NRXN3: variants seen among roughly 807,000 people sequenced by gnomAD.
NRXN3 encodes neurexin III.
NRXN3 carries 32 observed loss-of-function variants against 137.6 expected under a neutral mutation model. The observed-to-expected ratio is 0.23, with a 90% CI of 0.18 to 0.31. NRXN3 has a LOEUF of 0.31. NRXN3 is among the 10% of genes least tolerant of loss of function. The probability of loss-of-function intolerance (pLI) is 1.00; values close to 1 mark genes in which losing one functional copy is unlikely to be tolerated. For synonymous variants in NRXN3, 798 were observed against 784.5 expected (o/e 1.02, Z -0.29); for missense variants, 1,574 against 2,062.5 (o/e 0.76, Z 4.59).
chr14:78,289,423 G>A (rs2075551393), intron 3 of NRXN3, among the ~76,000 whole-genome samples: 1 of 152,160 alleles, frequency 6.6e-6, no homozygotes, highest in Admixed American at 6.5e-5. Flanking sequence ...GTTGCTTGGT[G>A]TCTTTGGAGA....
intron 19 of NRXN3, among the ~76,000 whole-genome samples, chr14:79,710,319 G>T (rs1178186226): frequency 6.6e-6 from 1 of 151,882 alleles, no homozygotes; most frequent in Non-Finnish European, 1.5e-5. Context: ...TCCATATCCT[G>T]GTTGATTTCA....
chr14:78,318,702 G>A (rs1022970475), intron 4 of NRXN3, among the ~76,000 whole-genome samples: 7 of 152,034 alleles, frequency 4.6e-5, no homozygotes, highest in African/African-American at 1.2e-4. Flanking sequence ...TGCCTTAGCC[G>A]TCAGTATAAC....
chr14:78,737,617 A>C (rs12433117), intron 8 of NRXN3, among the ~76,000 whole-genome samples: 13,402 of 152,126 alleles, frequency 0.088, 664 homozygotes, highest in Admixed American at 0.11. Context: ...GGGAAATGGC[A>C]AAAAAGGGGG....
intron 15 of NRXN3, among the ~76,000 whole-genome samples, chr14:79,446,479 C>A (rs891683776): frequency 1.3e-5 from 2 of 152,114 alleles, no homozygotes; most frequent in African/African-American, 4.8e-5. Flanking sequence ...TGTATTCATT[C>A]TTTTCATTAT....
At chr14:78,604,100 A>G (rs2097225062) in intron 4 of NRXN3, among the ~76,000 whole-genome samples, 2 of 152,278 alleles carry the variant, frequency 1.3e-5, no homozygotes, top group Admixed American at 1.3e-4. Flanking sequence ...GAGCCAAGTG[A>G]AAGAGGAAAC....
chr14:79,734,532 T>C (rs1317855417), intron 19 of NRXN3, among the ~76,000 whole-genome samples: 3 of 152,226 alleles, frequency 2.0e-5, no homozygotes, highest in South Asian at 2.1e-4. Flanking sequence ...CAATAAAAAA[T>C]AGTTTCAATA....
chr14:79,232,092 G>T (rs2072316204), intron 15 of NRXN3, among the ~76,000 whole-genome samples: 1 of 152,038 alleles, frequency 6.6e-6, no homozygotes. Flanking sequence ...AAAAACTGAG[G>T]CTAAAACATA....
At chr14:78,472,055 C>T (rs2095285298) in intron 4 of NRXN3, among the ~76,000 whole-genome samples, 1 of 152,196 alleles carries the variant, frequency 6.6e-6, no homozygotes, top group South Asian at 2.1e-4. Flanking sequence ...GAATTCTGTG[C>T]TTTGTAGGAA....
intron 15 of NRXN3, among the ~76,000 whole-genome samples, chr14:79,123,210 T>TGTGTGC (rs1330240959): frequency 6.6e-6 from 1 of 151,922 alleles, no homozygotes; most frequent in Non-Finnish European, 1.5e-5. Context: ...TCTATGGCTG[T>TGTGTGC]GTGTGCGTGT....
intron 4 of NRXN3, among the ~76,000 whole-genome samples, chr14:78,457,498 C>T (rs1430419723): frequency 6.6e-6 from 1 of 152,150 alleles, no homozygotes; most frequent in Non-Finnish European, 1.5e-5. Context: ...ACTCAGGGAG[C>T]TACCTTCTGG....
chr14:78,960,552 T>C (rs1339660614), intron 11 of NRXN3, among the ~76,000 whole-genome samples: 1 of 152,226 alleles, frequency 6.6e-6, no homozygotes, highest in East Asian at 1.9e-4. Context: ...TGTAATGTGA[T>C]TGTGTTCTTG....
intron 10 of NRXN3, among the ~76,000 whole-genome samples, chr14:78,945,185 G>A (rs140710070): frequency 6.6e-6 from 1 of 152,258 alleles, no homozygotes; most frequent in African/African-American, 2.4e-5. Context: ...CATAGGTTTT[G>A]TGTTCTGGCA....
chr14:78,561,555 CA>C (rs1442613186), intron 4 of NRXN3, among the ~76,000 whole-genome samples: 1 of 152,116 alleles, frequency 6.6e-6, no homozygotes, highest in African/African-American at 2.4e-5. Context: ...ATAGGGGACA[CA>C]GAGGGGAAAA....
intron 4 of NRXN3, among the ~76,000 whole-genome samples, chr14:78,378,942 C>T (rs138546092): frequency 8.6e-5 from 13 of 151,854 alleles, no homozygotes; most frequent in African/African-American, 1.7e-4. Flanking sequence ...TAAAGGATAT[C>T]GCTATAGACA....
Position 79,291,929 on chromosome 14 carries a change from G to A in NRXN3, c.3263-175292G>A, listed in dbSNP as rs537551465. Among the ~76,000 whole-genome samples the A allele has an allele frequency of 1.8e-3, 276 of 151,922 alleles. 1 individual carries two copies. The highest frequency in any genetic ancestry group is 6.2e-3 in the African/African-American group (257 of 41,430). ...ACAGGTAAACACCTACCTCATATGAGGTATTCTAACAAATACTTTAGCTTA... is the reference window on the plus strand; with the variant it reads ...ACAGGTAAACACCTACCTCATATGAAGTATTCTAACAAATACTTTAGCTTA... On this transcript the variant is annotated intron_variant, in intron 15 of 20. Transcript: ENST00000335750.
intron 15 of NRXN3, among the ~76,000 whole-genome samples, chr14:79,357,670 C>T (rs2093474056): frequency 6.6e-6 from 1 of 152,166 alleles, no homozygotes; most frequent in African/African-American, 2.4e-5. Context: ...TTTCTGAGAA[C>T]TGCTCTTCCT....
intron 4 of NRXN3, among the ~76,000 whole-genome samples, chr14:78,465,611 C>T (rs551593844): frequency 2.0e-5 from 3 of 152,186 alleles, no homozygotes; most frequent in South Asian, 2.1e-4. Flanking sequence ...GATCTCGGCT[C>T]GCTGCAACCT....
At chr14:79,419,608 A>G (rs953465034) in intron 15 of NRXN3, among the ~76,000 whole-genome samples, 1 of 151,536 alleles carries the variant, frequency 6.6e-6, no homozygotes, top group African/African-American at 2.4e-5. Context: ...TAAAGAGGGG[A>G]GAGAGAGAGA....
rs1210067844 is a variant in NRXN3 at position 79,647,415 on chromosome 14, A to G, written c.3445-16363A>G. On this transcript the variant is annotated intron_variant, in intron 16 of 20. Coordinates refer to ENST00000335750, the MANE Select transcript of NRXN3 (RefSeq NM_001330195.2). Reference sequence around the variant, plus strand: ...TATACGGAACGGTCTGCTGTCATGCAACTTTCAAATAATGCATTTTATTAT... The same window carrying G: ...TATACGGAACGGTCTGCTGTCATGCGACTTTCAAATAATGCATTTTATTAT... Among the ~76,000 whole-genome samples the G allele has an allele frequency of 1.5e-5, 2 of 135,824 alleles. 1 individual carries two copies. The highest frequency in any genetic ancestry group is 3.4e-5 in the Non-Finnish European group (2 of 58,408). The allele number at this position is 135,824 out of a possible 152,430, so 89.1% of individuals were successfully genotyped here. A position where few individuals can be genotyped will look rare whatever the true frequency, so the allele number is the denominator to read the frequency against.
Sources: gnomAD v4.1 joint callset for allele counts (sites outside exome capture counted in the v4.1 genomes callset) on GRCh38, gnomAD v4.1.1 for gene constraint, MANE v1.5 for transcripts, NCBI Gene and HGNC (gene_info 2026-07-23, HGNC 2026-07-21) for gene names.